PATJ: variants seen among roughly 807,000 people sequenced by gnomAD.
PATJ encodes the protein PATJ crumbs cell polarity complex component, also known as inaD-like protein.
Under a neutral mutation model 224.9 loss-of-function variants are expected in PATJ, and 190 were observed. That is an observed-to-expected ratio of 0.84 (90% confidence interval 0.75 to 0.95). The LOEUF is 0.95. Among genes scored for constraint, PATJ ranks in the 40% least tolerant of loss-of-function variants. The probability of loss-of-function intolerance (pLI) is 0.00; values close to 1 mark genes in which losing one functional copy is unlikely to be tolerated. For missense variants in PATJ, 2,121 were observed against 2,270.3 expected (o/e 0.93, Z 1.34); for synonymous variants, 769 against 820.3 (o/e 0.94, Z 1.07).
intron 1 of PATJ, among the ~76,000 whole-genome samples, chr1:61,757,311 A>G (rs1481097268): frequency 2.0e-5 from 3 of 151,986 alleles, no homozygotes; most frequent in African/African-American, 7.3e-5. Flanking sequence ...GGCTCAAGCA[A>G]TTCTTGAACC....
intron 17 of PATJ, among the ~76,000 whole-genome samples, chr1:61,835,253 A>C (rs1397295120): frequency 2.6e-5 from 4 of 152,194 alleles, no homozygotes; most frequent in East Asian, 1.9e-4. Flanking sequence ...TTAATATTAG[A>C]GTATATAAAA....
In PATJ at chr1:61,981,673, C is replaced by CT. The variant is rs775417916; in HGVS notation, c.3671-8480dup. Among the ~76,000 whole-genome samples, 451 of 138,564 alleles carry CT rather than the reference C, an allele frequency of 3.3e-3. 2 individuals carry two copies. Among genetic ancestry groups the CT allele is most frequent in the African/African-American group, 6.3e-3 (237 of 37,744 alleles). 90.9% of individuals were successfully genotyped at this position (138,564 alleles called of 152,430 possible). Reference sequence around the variant, plus strand: ...TCAGGAAAGCCTATTTGTTGTGATTCTTTTTTTTTTTTTTTGGAGACGGAG... The same window carrying CT: ...TCAGGAAAGCCTATTTGTTGTGATTCTTTTTTTTTTTTTTTTGGAGACGGAG... On this transcript the variant is annotated intron_variant, in intron 27 of 43. Transcript: ENST00000642238.
At chr1:62,006,049 G>A (rs1646072693) in intron 28 of PATJ, among the ~76,000 whole-genome samples, 1 of 152,020 alleles carries the variant, frequency 6.6e-6, no homozygotes. Context: ...ATTTGGCAGG[G>A]TTTTTTAGTA....
chr1:62,159,902 G>C (rs34642464), intron 43 of PATJ, among the ~76,000 whole-genome samples: 76 of 152,232 alleles, frequency 5.0e-4, no homozygotes, highest in African/African-American at 1.8e-3. Context: ...TCACGGTTTA[G>C]AAAACCTGTC....
At chr1:61,806,463 C>CA (rs1242047899) in intron 13 of PATJ, among the ~76,000 whole-genome samples, 1 of 151,598 alleles carries the variant, frequency 6.6e-6, no homozygotes, top group Non-Finnish European at 1.5e-5. Flanking sequence ...ACTAAAAATA[C>CA]AAAAAATTAG....
chr1:62,079,197 G>A (rs1360462804), intron 31 of PATJ, among the ~76,000 whole-genome samples: 3 of 152,122 alleles, frequency 2.0e-5, no homozygotes, highest in Non-Finnish European at 4.4e-5. Flanking sequence ...CACTGACAGA[G>A]TATCTTCAGC....
chr1:62,060,209 G>A (rs538303308), intron 31 of PATJ, among the ~76,000 whole-genome samples: 44 of 152,276 alleles, frequency 2.9e-4, no homozygotes, highest in African/African-American at 8.9e-4. Context: ...CGTAATGAAA[G>A]CGTTAATACT....
At position 61,860,697 on chromosome 1, in the gene PATJ, C is replaced by T. The variant is rs924681121; in HGVS notation, c.2323-854C>T. Among the ~76,000 whole-genome samples the T allele has an allele frequency of 5.5e-4, 84 of 152,132 alleles. 2 individuals are homozygous for T. The highest frequency in any genetic ancestry group is 3.1e-4 in the Non-Finnish European group (21 of 68,030). ...AAAAACATTAGCCAGCAAGGTGTTGCTTGCCTGTAGTCCCAGCTACTTTGG... is the reference window on the plus strand; with the variant it reads ...AAAAACATTAGCCAGCAAGGTGTTGTTTGCCTGTAGTCCCAGCTACTTTGG... On this transcript the variant is annotated intron_variant, in intron 18 of 43. Transcript: ENST00000642238.
intron 8 of PATJ, 33 bp downstream of exon 8, chr1:61,788,005 C>A: frequency 1.3e-6 from 2 of 1,540,642 alleles, no homozygotes; most frequent in Non-Finnish European, 1.8e-6. Flanking sequence ...CATCTTAAAC[C>A]AAAGCCTGGG....
chr1:61,899,116 A>G (rs776562866), intron 22 of PATJ, among the ~76,000 whole-genome samples: 1 of 152,198 alleles, frequency 6.6e-6, no homozygotes, highest in Non-Finnish European at 1.5e-5. Context: ...CAAAATATTC[A>G]TGGGATACAA....
At position 62,084,652 on chromosome 1, in the gene PATJ, A is replaced by G; in HGVS notation, c.4377+4A>G. 1 of 1,611,852 alleles carries G rather than the reference A, an allele frequency of 6.2e-7. No homozygotes were observed. Among genetic ancestry groups the G allele is most frequent in the Non-Finnish European group, 8.5e-7 (1 of 1,179,202 alleles). On this transcript the variant is annotated splice_donor_region_variant and intron_variant, in intron 33 of 43. Coordinates refer to ENST00000642238, the MANE Select transcript of PATJ (RefSeq NM_001350145.3). ...GGGAGGAAAAGACACACCCTTGGTA[A>G]GTTTCTAGAAATAAAATGTATCCAC...
chr1:61,914,641 G>T lies in PATJ; in HGVS notation c.3547G>T (p.Asp1183Tyr). Reference sequence around the variant, plus strand: ...CAAAATCACCGGTAACCAGAACCAGGACACCCAAGAAAAGAAAGAAAAGGT... The same window carrying T: ...CAAAATCACCGGTAACCAGAACCAGTACACCCAAGAAAAGAAAGAAAAGGT... ...ANKITGNQNQ[D>Y]TQEKKEKRQG... Residue 1183 changes from aspartate (D) to tyrosine (Y), a missense_variant, in exon 26 of 44, where the codon GAC becomes TAC. Coordinates refer to ENST00000642238, the MANE Select transcript of PATJ (RefSeq NM_001350145.3). The T allele has an allele frequency of 6.3e-7, 1 of 1,578,850 alleles. No homozygotes were observed. Among genetic ancestry groups the T allele is most frequent in the Non-Finnish European group, 8.7e-7 (1 of 1,148,800 alleles).
intron 17 of PATJ, chr1:61,846,101 A>G (rs1247530324): frequency 6.6e-6 from 1 of 152,170 alleles, no homozygotes; most frequent in Non-Finnish European, 1.5e-5. Context: ...CATAATTCTC[A>G]TAGTAATAAT....
intron 28 of PATJ, among the ~76,000 whole-genome samples, chr1:62,017,108 G>C (rs1046631588): frequency 3.3e-5 from 5 of 152,144 alleles, no homozygotes; most frequent in Non-Finnish European, 5.9e-5. Flanking sequence ...CTACTACAAA[G>C]AATATTAAGA....
intron 26 of PATJ, among the ~76,000 whole-genome samples, chr1:61,915,687 TTTTC>T (rs1212617847): frequency 6.6e-6 from 1 of 150,892 alleles, no homozygotes; most frequent in East Asian, 1.9e-4. Flanking sequence ...TATAATTTTC[TTTTC>T]TTTCTTTTTT....
chr1:61,994,165 T>C (rs1408337339), intron 28 of PATJ, among the ~76,000 whole-genome samples: 3 of 152,258 alleles, frequency 2.0e-5, no homozygotes, highest in East Asian at 1.9e-4. Context: ...AATGGAGAAA[T>C]TAATTCATTC....
At chr1:61,898,611 C>T (rs546863800) in intron 22 of PATJ, among the ~76,000 whole-genome samples, 14 of 152,218 alleles carry the variant, frequency 9.2e-5, no homozygotes, top group Admixed American at 7.2e-4. Context: ...TTTACAACAT[C>T]GGACTGATTT....
chr1:61,954,281 A>T (rs1680119558), intron 27 of PATJ, among the ~76,000 whole-genome samples: 1 of 152,234 alleles, frequency 6.6e-6, no homozygotes, highest in African/African-American at 2.4e-5. Flanking sequence ...TTTTAAAAGC[A>T]TGTTTCTATT....
Position 62,163,574 on chromosome 1 carries a change from A to T in PATJ, c.*2520A>T, listed in dbSNP as rs1669985087. 1 of 152,628 alleles carries T rather than the reference A, an allele frequency of 6.6e-6. No homozygotes were observed. Among genetic ancestry groups the T allele is most frequent in the South Asian group, 2.1e-4 (1 of 4,830 alleles). 9.5% of individuals were successfully genotyped at this position (152,628 alleles called of 1,614,324 possible). ...GCTAGTAAAAGTATATTGATGAAGG[A>T]ATTATGATGCTTTATACTTCTTACT... On this transcript the variant is annotated 3_prime_UTR_variant, in exon 44 of 44. Transcript: ENST00000642238.
Sources: gnomAD v4.1 joint callset for allele counts (sites outside exome capture counted in the v4.1 genomes callset) on GRCh38, gnomAD v4.1.1 for gene constraint, MANE v1.5 for transcripts, NCBI Gene and HGNC (gene_info 2026-07-23, HGNC 2026-07-21) for gene names.